KIF19: variants seen among roughly 807,000 people sequenced by gnomAD.
KIF19 encodes kinesin family member 19, also known as kinesin-like protein KIF19.
KIF19 carries 98 observed loss-of-function variants against 106.6 expected under a neutral mutation model. The ratio of observed to expected loss-of-function variants is 0.92; its 90% confidence interval spans 0.78 to 1.09. KIF19 has a LOEUF of 1.09. KIF19 is among the 50% of genes least tolerant of loss of function. The pLI is 0.00. For missense variants in KIF19, 1,373 were observed against 1,414.3 expected (o/e 0.97, Z 0.47); for synonymous variants, 516 against 584.2 (o/e 0.88, Z 1.68).
At chr17:74,334,252 G>T (rs918369289) in intron 2 of KIF19, among the ~76,000 whole-genome samples, 11 of 152,106 alleles carry the variant, frequency 7.2e-5, no homozygotes, top group African/African-American at 2.7e-4. Flanking sequence ...TAATCCTCTA[G>T]GTTGCAAGGA....
At chr17:74,347,043 G>A (rs1300331451) in intron 8 of KIF19, among the ~76,000 whole-genome samples, 1 of 152,184 alleles carries the variant, frequency 6.6e-6, no homozygotes, top group Admixed American at 6.5e-5. Flanking sequence ...TACATTTGCA[G>A]ATGAGGAAAC....
rs2054775377 is a variant in KIF19, at chr17:74,353,362, G to C, written c.2220+61G>C. On this transcript the variant is annotated intron_variant, in intron 16 of 19. Coordinates refer to ENST00000389916, the MANE Select transcript of KIF19 (RefSeq NM_153209.4). Reference sequence around the variant, plus strand: ...ACTGCAGCGGGTGCGGGACATGGGGGTGGACAGCAGCAGTTGGGATGGACC... The same window carrying C: ...ACTGCAGCGGGTGCGGGACATGGGGCTGGACAGCAGCAGTTGGGATGGACC... 2.7e-6 allele frequency: 4 copies of C among 1,471,540 alleles called. No individual in the cohort carries two copies. In the East Asian group the frequency reaches 9.8e-5, roughly 36 times the overall value. 91.2% of individuals were successfully genotyped at this position (1,471,540 alleles called of 1,614,324 possible).
At chr17:74,336,303 A>T (rs924309610) in intron 2 of KIF19, among the ~76,000 whole-genome samples, 1 of 152,126 alleles carries the variant, frequency 6.6e-6, no homozygotes. Flanking sequence ...TCCTGACCTC[A>T]GGTGATCGAC....
At chr17:74,328,366 C>G in intron 1 of KIF19, 59 bp from the exon 2 acceptor site, 1 of 1,507,028 alleles carries the variant, frequency 6.6e-7, no homozygotes, top group Non-Finnish European at 9.0e-7. Flanking sequence ...CTTGAGGTCT[C>G]TCTGAGGCCC....
intron 19 of KIF19, 50 bp from the exon 20 acceptor site, chr17:74,355,132 G>A: frequency 6.4e-7 from 1 of 1,557,320 alleles, no homozygotes; most frequent in Non-Finnish European, 8.7e-7. Flanking sequence ...TGGGAGAGGA[G>A]TTGGGGAGGC....
rs1555625801 is a variant in KIF19 at position 74,355,332 on chromosome 17, G to A, written c.*20G>A. On this transcript the variant is annotated 3_prime_UTR_variant, in exon 20 of 20. Transcript: ENST00000389916. ...AACTGAGGGGCCCTGCCTGGAACTG[G>A]CTCTCTCACCTCCCAAGACTGAATG... 1.3e-6 allele frequency: 2 copies of A among 1,590,270 alleles called. No homozygotes were observed. Among genetic ancestry groups the A allele is most frequent in the Non-Finnish European group, 1.7e-6 (2 of 1,170,412 alleles).
At chr17:74,349,462 T>A in intron 10 of KIF19, 113 bp downstream of exon 10, 3 of 1,112,004 alleles carry the variant, frequency 2.7e-6, no homozygotes, top group South Asian at 3.3e-5. Flanking sequence ...GGCTGGGTGG[T>A]TGAGCTAGGC....
In KIF19 at chr17:74,346,024, C is replaced by A. The variant is rs774468654; in HGVS notation, c.778-354C>A. ...GCACTTTCCTCCTTGCTCCCTGGAGCACCCTCTGGAGCACCAGTGGTCCTG... is the reference window on the plus strand; with the variant it reads ...GCACTTTCCTCCTTGCTCCCTGGAGAACCCTCTGGAGCACCAGTGGTCCTG... On this transcript the variant is annotated intron_variant, in intron 7 of 19. Coordinates refer to ENST00000389916, the MANE Select transcript of KIF19 (RefSeq NM_153209.4). The surrounding 1 kb of genome is among the most constrained non-coding windows in gnomAD (Gnocchi z 4.6). Among the ~76,000 whole-genome samples the A allele has an allele frequency of 2.0e-5, 3 of 152,262 alleles. No individual in the cohort carries two copies. Among genetic ancestry groups the A allele is most frequent in the African/African-American group, 4.8e-5 (2 of 41,478 alleles).
rs770653923 is a variant in KIF19 at position 74,341,908 on chromosome 17, C to T, written c.153C>T (p.Pro51=). Residue 51 remains proline (P), a synonymous_variant, in exon 3 of 20, where the codon CCC becomes CCT. Coordinates refer to ENST00000389916, the MANE Select transcript of KIF19 (RefSeq NM_153209.4). ...TTCTCATGGACCCAATGGAGGATCCCGACGACATCCTGCGGGCGCATCGCT... is the reference window on the plus strand; with the variant it reads ...TTCTCATGGACCCAATGGAGGATCCTGACGACATCCTGCGGGCGCATCGCT... ...MVVLMDPMED[P]DDILRAHRSR... is the part of the protein sequence containing the mutation. 1.1e-5 allele frequency: 17 copies of T among 1,613,596 alleles called. No homozygotes were observed. The highest frequency in any genetic ancestry group is 2.7e-5 in the African/African-American group (2 of 74,896).
rs2054587902 is a variant in KIF19, at chr17:74,347,995, C to G, written c.1047+96C>G. The G allele has an allele frequency of 4.3e-6, 6 of 1,384,502 alleles. No individual in the cohort carries two copies. The Admixed American group carries it at 1.0e-4, about 24-fold the overall frequency. 85.8% of individuals were successfully genotyped at this position (1,384,502 alleles called of 1,614,324 possible). Reference sequence around the variant, plus strand: ...TGCCACCCCACTGCACTCTCTGGAACCAGCCACTGCTGCACTGGCCTCATT... The same window carrying G: ...TGCCACCCCACTGCACTCTCTGGAAGCAGCCACTGCTGCACTGGCCTCATT... On this transcript the variant is annotated intron_variant, in intron 9 of 19. Coordinates refer to ENST00000389916, the MANE Select transcript of KIF19 (RefSeq NM_153209.4).
At position 74,352,322 on chromosome 17, in the gene KIF19, G is replaced by A; in HGVS notation, c.1962G>A (p.Val654=). The change falls in exon 14 of 20, where the codon GTG becomes GTA. Residue 654 remains valine, a synonymous_variant. Coordinates refer to ENST00000389916, the MANE Select transcript of KIF19 (RefSeq NM_153209.4). ...AGCAGGCCACCATCATGGACCAAGT[G>A]GCCTCCAGGGCCCTGCAGGTGGGTG... ...SLEQATIMDQ[V]ASRALQDSSL... 6.2e-7 allele frequency: 1 copy of A among 1,609,380 alleles called. No homozygotes were observed. Among genetic ancestry groups the A allele is most frequent in the South Asian group, 1.1e-5 (1 of 90,430 alleles).
intron 2 of KIF19, among the ~76,000 whole-genome samples, chr17:74,333,442 G>A (rs1321381166): frequency 1.4e-5 from 2 of 147,552 alleles, no homozygotes; most frequent in Admixed American, 6.9e-5. Context: ...AGCTCACTGC[G>A]ACCTCTGCCT....
At chr17:74,332,214 G>GTGTGTT (rs1555619595) in intron 2 of KIF19, among the ~76,000 whole-genome samples, 65 of 54,528 alleles carry the variant, frequency 1.2e-3, no homozygotes, top group African/African-American at 2.2e-3. Flanking sequence ...GTGTGTTTGT[G>GTGTGTT]TGTGTGTGTG....
rs78212887 is a variant in KIF19, at chr17:74,354,296, C to T, written c.2443C>T (p.Leu815=). The T allele has an allele frequency of 6.2e-7, 1 of 1,608,812 alleles. No homozygotes were observed. The highest frequency in any genetic ancestry group is 1.1e-5 in the South Asian group (1 of 90,926). ...GCGCAGCAGCCTGTCCCTGCACTCA[C>T]TGAGCGAGGGCGACGATGCGCGGCC... ...TERSSLSLHS[L]SEGDDARPPG... Residue 815 remains leucine (L), a synonymous_variant, in exon 18 of 20, where the codon CTG becomes TTG. Coordinates refer to ENST00000389916, the MANE Select transcript of KIF19 (RefSeq NM_153209.4).
intron 14 of KIF19, 28 bp from the exon 15 acceptor site, chr17:74,352,793 C>T: frequency 6.2e-7 from 1 of 1,613,584 alleles, no homozygotes; most frequent in South Asian, 1.1e-5. Context: ...AATCTTCTAA[C>T]TGTCCACCCT....
chr17:74,331,647 G>T lies in KIF19; in HGVS notation c.120+3142G>T, dbSNP rs1303996229. On this transcript the variant is annotated intron_variant, in intron 2 of 19. Transcript: ENST00000389916. The surrounding 1 kb of genome is among the most constrained non-coding windows in gnomAD (Gnocchi z 4.1). The stretch of plus-strand genomic sequence containing the variant: ...GCTGGAGTACAGTGGTGCAATCTTG[G>T]CTCACTGCAACCTCCGCCTCCTGGA... Among the ~76,000 whole-genome samples the T allele has an allele frequency of 6.6e-6, 1 of 151,770 alleles. No individual in the cohort carries two copies. The highest frequency in any genetic ancestry group is 2.4e-5 in the African/African-American group (1 of 41,286).
intron 2 of KIF19, among the ~76,000 whole-genome samples, chr17:74,334,200 C>A (rs1467791438): frequency 6.6e-6 from 1 of 152,052 alleles, no homozygotes; most frequent in African/African-American, 2.4e-5. Context: ...ATCCTTTCAT[C>A]AGTTGATGGG....
Position 74,347,861 on chromosome 17 carries a change from C to T in KIF19, c.1009C>T (p.Leu337=). 1 of 1,585,740 alleles carries T rather than the reference C, an allele frequency of 6.3e-7. No homozygotes were observed. Among genetic ancestry groups the T allele is most frequent in the Non-Finnish European group, 8.6e-7 (1 of 1,166,628 alleles). The change falls in exon 9 of 20, where the codon CTG becomes TTG. Residue 337 remains leucine, a synonymous_variant. Coordinates refer to ENST00000389916, the MANE Select transcript of KIF19 (RefSeq NM_153209.4). ...TGCCTTCGAGGAGTCCCGGAACACC[C>T]TGACCTACGCCGGCCGGGCCAAGAA... The part of the protein sequence containing the change: ...SSAFEESRNT[L]TYAGRAKNIK...
intron 14 of KIF19, 130 bp from the exon 15 acceptor site, chr17:74,352,691 A>G: frequency 8.6e-7 from 1 of 1,167,568 alleles, no homozygotes; most frequent in Non-Finnish European, 1.2e-6. Context: ...CCCAAACACA[A>G]GCCCACTGCC....
Sources: gnomAD v4.1 joint callset for allele counts (sites outside exome capture counted in the v4.1 genomes callset) on GRCh38, gnomAD v4.1.1 for gene constraint, Gnocchi (gnomAD v3.1) non-coding constraint, MANE v1.5 for transcripts, NCBI Gene and HGNC (gene_info 2026-07-23, HGNC 2026-07-21) for gene names.